TRAPPC6B: variants seen among roughly 807,000 people sequenced by gnomAD.
TRAPPC6B encodes TRAPP complex subunit 6B.
In TRAPPC6B, 27 loss-of-function variants were observed where a neutral mutation model predicts 24.7. The observed-to-expected ratio is 1.09, with a 90% CI of 0.81 to 1.51. The LOEUF is 1.51. Among genes scored for constraint, TRAPPC6B ranks in the 40% most tolerant of loss-of-function variants. The probability of loss-of-function intolerance (pLI) is 0.00; values close to 1 mark genes in which losing one functional copy is unlikely to be tolerated. For synonymous variants in TRAPPC6B, 80 were observed against 66.6 expected (o/e 1.20, Z -0.98); for missense variants, 212 against 190.8 (o/e 1.11, Z -0.66).
chr14:39,168,215 TAAA>T (rs5808024), intron 1 of TRAPPC6B, among the ~76,000 whole-genome samples: 20 of 124,886 alleles, frequency 1.6e-4, no homozygotes, highest in East Asian at 2.2e-4. Context: ...AAACTCCATC[TAAA>T]AAAAAAAAAA....
chr14:39,158,549 GCT>G, intron 2 of TRAPPC6B, 147 bp from the exon 3 acceptor site: 1 of 563,378 alleles, frequency 1.8e-6, no homozygotes, highest in Non-Finnish European at 3.1e-6. Flanking sequence ...ACAGATTCTG[GCT>G]CTGTCGCCCA....
At chr14:39,168,202 A>G (rs1324196994) in intron 1 of TRAPPC6B, among the ~76,000 whole-genome samples, 9 of 138,598 alleles carry the variant, frequency 6.5e-5, no homozygotes, top group African/African-American at 2.4e-4. Context: ...GGAGACAAGA[A>G]CAAAACTCCA....
At position 39,149,939 on chromosome 14, in the gene TRAPPC6B, C is replaced by G. The variant is rs73291544; in HGVS notation, c.*411G>C. 2,775 of 155,090 alleles carry G rather than the reference C, an allele frequency of 0.018. 87 individuals carry two copies. The highest frequency in any genetic ancestry group is 0.063 in the African/African-American group (2,637 of 41,632). 9.6% of individuals were successfully genotyped at this position (155,090 alleles called of 1,614,324 possible). A position where few individuals can be genotyped will look rare whatever the true frequency, so the allele number is the denominator to read the frequency against. On this transcript the variant is annotated 3_prime_UTR_variant, in exon 6 of 6. Coordinates refer to ENST00000330149, the MANE Select transcript of TRAPPC6B (RefSeq NM_001079537.2). ...AAATAAAAAAAATTTAGTATGTTTG[C>G]TTTTTAAAATAAAACAAATTCATAC...
At chr14:39,160,650 AAGAG>A (rs1165981734) in intron 1 of TRAPPC6B, among the ~76,000 whole-genome samples, 39 of 151,536 alleles carry the variant, frequency 2.6e-4, no homozygotes, top group African/African-American at 7.0e-4. Context: ...GGAAGGGAGA[AAGAG>A]AGAGAGAAAG....
Position 39,163,227 on chromosome 14 carries a change from C to A in TRAPPC6B, c.82-3677G>T, listed in dbSNP as rs1470798991. Among the ~76,000 whole-genome samples, 5 of 150,104 alleles carry A rather than the reference C, an allele frequency of 3.3e-5. No individual in the cohort carries two copies. In the South Asian group the frequency reaches 1.0e-3, roughly 31 times the overall value. On this transcript the variant is annotated intron_variant, in intron 1 of 5. Transcript: ENST00000330149. Reference sequence around the variant, plus strand: ...TCTACTAAAAATACAAAAAATTAGCCGGGCATGGTGGCACATACCTGTAGT... The same window carrying A: ...TCTACTAAAAATACAAAAAATTAGCAGGGCATGGTGGCACATACCTGTAGT...
chr14:39,162,659 T>C (rs982424918), intron 1 of TRAPPC6B, among the ~76,000 whole-genome samples: 4 of 152,240 alleles, frequency 2.6e-5, no homozygotes, highest in Non-Finnish European at 4.4e-5. Flanking sequence ...TGCTTCAAAA[T>C]GTCTCAGAAT....
chr14:39,159,614 G>A, intron 1 of TRAPPC6B, 64 bp from the exon 2 acceptor site: 1 of 1,246,094 alleles, frequency 8.0e-7, no homozygotes. Context: ...TTCAGAAATT[G>A]TTTTACAAGA....
intron 1 of TRAPPC6B, among the ~76,000 whole-genome samples, chr14:39,166,513 G>C (rs182753918): frequency 2.4e-4 from 36 of 152,226 alleles, no homozygotes; most frequent in Non-Finnish European, 4.7e-4. Flanking sequence ...AGCTAACTTT[G>C]GGAGAAATTT....
Position 39,158,401 on chromosome 14 carries a change from A to G in TRAPPC6B, c.151T>C (p.Phe51Leu). Residue 51 changes from phenylalanine (F) to leucine (L), a missense_variant and splice_region_variant, in exon 3 of 6, where the codon TTT (phenylalanine) becomes CTT (leucine). Coordinates refer to ENST00000330149, the MANE Select transcript of TRAPPC6B (RefSeq NM_001079537.2). ...FRVGQGLIER[F>L]TKDTARFKDE... ...TTGAACCTTGCAGTATCTTTTGTAA[A>G]CCTAAAAAGATCAACTAGAAGTAAT... 6.5e-7 allele frequency: 1 copy of G among 1,530,042 alleles called. No individual in the cohort carries two copies. Among genetic ancestry groups the G allele is most frequent in the South Asian group, 1.2e-5 (1 of 83,884 alleles). The allele number at this position is 1,530,042 out of a possible 1,614,324, so 94.8% of individuals were successfully genotyped here.
chr14:39,162,784 T>C lies in TRAPPC6B; in HGVS notation c.82-3234A>G, dbSNP rs141983941. 2.5e-4 allele frequency among the ~76,000 whole-genome samples: 38 copies of C among 152,326 alleles called. No individual in the cohort carries two copies. The East Asian group carries it at 6.8e-3, about 27-fold the overall frequency. On this transcript the variant is annotated intron_variant, in intron 1 of 5. Coordinates refer to ENST00000330149, the MANE Select transcript of TRAPPC6B (RefSeq NM_001079537.2). The stretch of plus-strand genomic sequence containing the variant: ...CATTCAATCTTAAGGCTTGAAATAG[T>C]ACCTCTATGCTGAACACATCCAAAT...
chr14:39,165,856 T>C (rs1395999435), intron 1 of TRAPPC6B, among the ~76,000 whole-genome samples: 4 of 149,444 alleles, frequency 2.7e-5, no homozygotes, highest in Non-Finnish European at 4.4e-5. Flanking sequence ...CAGGTTGGAG[T>C]GCAGTGACAC....
intron 1 of TRAPPC6B, among the ~76,000 whole-genome samples, chr14:39,164,407 G>C (rs532611031): frequency 6.4e-4 from 97 of 152,210 alleles, no homozygotes; most frequent in Non-Finnish European, 1.3e-3. Context: ...CAGGAGAATT[G>C]CTTGAACCCA....
intron 1 of TRAPPC6B, among the ~76,000 whole-genome samples, chr14:39,164,612 G>A (rs2053089754): frequency 1.3e-5 from 2 of 152,118 alleles, no homozygotes; most frequent in South Asian, 4.1e-4. Flanking sequence ...GGGAGGCCAA[G>A]GATTGCTTGA....
At chr14:39,161,411 G>A (rs556793005) in intron 1 of TRAPPC6B, among the ~76,000 whole-genome samples, 1 of 152,234 alleles carries the variant, frequency 6.6e-6, no homozygotes, top group East Asian at 1.9e-4. Context: ...CTGCGTATTA[G>A]CAACTTGTCA....
intron 1 of TRAPPC6B, among the ~76,000 whole-genome samples, chr14:39,161,392 C>T (rs1291363667): frequency 6.6e-6 from 1 of 152,082 alleles, no homozygotes; most frequent in African/African-American, 2.4e-5. Context: ...AAAATGTCAC[C>T]CATCCCTTCT....
chr14:39,168,560 A>C (rs2053132287), intron 1 of TRAPPC6B, among the ~76,000 whole-genome samples: 1 of 152,072 alleles, frequency 6.6e-6, no homozygotes, highest in Non-Finnish European at 1.5e-5. Context: ...TCATACAGGC[A>C]CCTCAAAAGT....
Position 39,150,125 on chromosome 14 carries a change from G to A in TRAPPC6B, c.*225C>T, listed in dbSNP as rs2052895744. The A allele has an allele frequency of 2.2e-6, 1 of 446,182 alleles. No homozygotes were observed. Among genetic ancestry groups the A allele is most frequent in the East Asian group, 4.0e-5 (1 of 24,946 alleles). The allele number at this position is 446,182 out of a possible 1,614,324, so 27.6% of individuals were successfully genotyped here. A position where few individuals can be genotyped will look rare whatever the true frequency, so the allele number is the denominator to read the frequency against. On this transcript the variant is annotated 3_prime_UTR_variant, in exon 6 of 6. Transcript: ENST00000330149. ...TTTAAAATAAGGGCCCTGCATCTTG[G>A]TGTCTGGTTATTTGAAATCCGGTTT...
intron 3 of TRAPPC6B, among the ~76,000 whole-genome samples, 176 bp downstream of exon 3, chr14:39,158,109 C>T (rs1246821563): frequency 1.3e-5 from 2 of 152,042 alleles, no homozygotes; most frequent in Non-Finnish European, 2.9e-5. Context: ...GATAACTGTC[C>T]CTTTGTCTTT....
At chr14:39,158,250 G>T in intron 3 of TRAPPC6B, 35 bp downstream of exon 3, 1 of 1,126,534 alleles carries the variant, frequency 8.9e-7, no homozygotes, top group South Asian at 1.4e-5. Context: ...CAAGTTAAAG[G>T]ACTTTAAAAT....
Sources: gnomAD v4.1 joint callset for allele counts (sites outside exome capture counted in the v4.1 genomes callset) on GRCh38, gnomAD v4.1.1 for gene constraint, MANE v1.5 for transcripts, NCBI Gene and HGNC (gene_info 2026-07-23, HGNC 2026-07-21) for gene names.